Variants in AKNA observed in about 807,000 individuals in gnomAD.
AKNA encodes the protein microtubule organization protein AKNA.
A neutral mutation model predicts 138.8 loss-of-function variants in AKNA; 67 were observed. The observed-to-expected ratio is 0.48, with a 90% CI of 0.40 to 0.59. AKNA has a LOEUF of 0.59. Among genes scored for constraint, AKNA ranks in the 20% least tolerant of loss-of-function variants. The pLI is 0.00. For synonymous variants in AKNA, 737 were observed against 754.4 expected, an observed-to-expected ratio of 0.98 and a Z score of 0.38; for missense variants, 1,813 against 1,880.4, an observed-to-expected ratio of 0.96 and a Z score of 0.66.
chr9:114,394,789 T>G (rs1230109445), upstream of AKNA, among the ~76,000 whole-genome samples: 1 of 152,216 alleles, frequency 6.6e-6, no homozygotes, highest in Admixed American at 6.5e-5. Flanking sequence ...ATCCTCCAGA[T>G]GAATCCTTAG....
At chr9:114,386,609 C>T (rs949002610) in intron 1 of AKNA, among the ~76,000 whole-genome samples, 1 of 152,138 alleles carries the variant, frequency 6.6e-6, no homozygotes, top group Non-Finnish European at 1.5e-5. Context: ...CCTGGAGAAA[C>T]TGGCCCCACA....
downstream of AKNA, chr9:114,331,476 G>A (rs1396744746): frequency 7.8e-6 from 8 of 1,027,858 alleles, no homozygotes; most frequent in Non-Finnish European, 1.2e-5. Context: ...TGGGCTTTGT[G>A]GCCCCGGACA....
intron 1 of AKNA, among the ~76,000 whole-genome samples, chr9:114,393,791 G>A (rs1834441158): frequency 6.6e-6 from 1 of 151,542 alleles, no homozygotes; most frequent in Non-Finnish European, 1.5e-5. Flanking sequence ...GTAAAATATG[G>A]AGGAAGAGGA....
downstream of AKNA, chr9:114,331,661 G>A: frequency 1.9e-6 from 3 of 1,613,688 alleles, no homozygotes; most frequent in Non-Finnish European, 1.7e-6. Flanking sequence ...AGAACTGGGG[G>A]CTGTCTTTCT....
At position 114,358,041 on chromosome 9, in the gene AKNA, G is replaced by T. The variant is rs1269754162; in HGVS notation, c.2619C>A (p.His873Gln). ...ATGCTGCGGACTTGGTGCCTGGAGG[G>T]TGGGGTGGCACGCCAGGGCCTGGAG... ...AAPPGPGVPP[H>Q]PPGTKSAASH... is the part of the protein sequence containing the mutation. Residue 873 changes from histidine (H) to glutamine (Q), a missense_variant, in exon 12 of 22, where the codon CAC (histidine) becomes CAA (glutamine). Physicochemically the swap from His to Gln is conservative, Grantham distance 24. Transcript: ENST00000374088. The T allele has an allele frequency of 6.2e-7, 1 of 1,611,080 alleles. No individual in the cohort carries two copies. The highest frequency in any genetic ancestry group is 8.5e-7 in the Non-Finnish European group (1 of 1,178,042).
At position 114,376,860 on chromosome 9, in the gene AKNA, C is replaced by T; in HGVS notation, c.947G>A (p.Ser316Asn). 1 of 1,614,082 alleles carries T rather than the reference C, an allele frequency of 6.2e-7. No individual in the cohort carries two copies. The highest frequency in any genetic ancestry group is 8.5e-7 in the Non-Finnish European group (1 of 1,179,950). The stretch of plus-strand genomic sequence containing the variant: ...TGGCCTGGGCTGGGGATTCAGGGGG[C>T]TGATGGAGCCAATGAATCGGGAAGG... ...PLPSRFIGSI[S>N]PLNPQPRPTR... is the part of the protein sequence containing the mutation. The change falls in exon 3 of 22, where the codon AGC becomes AAC. Residue 316 changes from serine to asparagine, a missense_variant. Transcript: ENST00000374088.
rs922292987 is a variant in AKNA, at chr9:114,341,389, T to C, written c.4067+144A>G. 2.6e-5 allele frequency: 26 copies of C among 1,016,236 alleles called. 1 individual carries two copies. In the African/African-American group the frequency reaches 3.8e-4, roughly 15 times the overall value. The allele number at this position is 1,016,236 out of a possible 1,614,324, so 63.0% of individuals were successfully genotyped here. The stretch of plus-strand genomic sequence containing the variant: ...GCTTTGTTGAGTGACTATATGAGTG[T>C]TGGGCTCCTACTGCATGTTATCCAC... On this transcript the variant is annotated intron_variant, in intron 21 of 21. Transcript: ENST00000374088.
intron 21 of AKNA, among the ~76,000 whole-genome samples, chr9:114,339,703 G>A (rs78569337): frequency 0.093 from 14,134 of 152,290 alleles, 866 homozygotes; most frequent in South Asian, 0.21. Flanking sequence ...TTTCCCCCGT[G>A]TCTGCTGGAG....
At chr9:114,331,492 A>G (rs1829850212), downstream of AKNA, 5 of 1,220,452 alleles carry the variant, frequency 4.1e-6, no homozygotes, top group Admixed American at 1.8e-5. Context: ...GGACACACCT[A>G]GGACTCCTCA....
Position 114,376,592 on chromosome 9 carries a change from C to T in AKNA, c.1215G>A (p.Gln405=). 1 of 1,614,184 alleles carries T rather than the reference C, an allele frequency of 6.2e-7. No homozygotes were observed. Among genetic ancestry groups the T allele is most frequent in the Non-Finnish European group, 8.5e-7 (1 of 1,180,034 alleles). ...CTTCTCCACTGCTCAACAGCACCTC[C>T]TGCACAATCTCAGCTGGAGACTTGA... The part of the protein sequence containing the change: ...LIFKSPAEIV[Q]EVLLSSGEAA... Residue 405 remains glutamine, a synonymous_variant, in exon 3 of 22, where the codon CAG becomes CAA. Transcript: ENST00000374088.
rs547036269 is a variant in AKNA at position 114,336,847 on chromosome 9, T to C, written c.*207A>G. On this transcript the variant is annotated 3_prime_UTR_variant, in exon 22 of 22. Coordinates refer to ENST00000374088, the MANE Select transcript of AKNA (RefSeq NM_001317950.2). ...ACCTCTGTGAGGGGACTGGTGCTCCTGGGAAGTCACTTCTCTTGGTGACCG... is the reference window on the plus strand; with the variant it reads ...ACCTCTGTGAGGGGACTGGTGCTCCCGGGAAGTCACTTCTCTTGGTGACCG... 9.6e-4 allele frequency: 531 copies of C among 551,084 alleles called. 2 individuals are homozygous for C. Among genetic ancestry groups the C allele is most frequent in the African/African-American group, 9.0e-3 (470 of 52,264 alleles). The allele number at this position is 551,084 out of a possible 1,614,324, so 34.1% of individuals were successfully genotyped here. A position where few individuals can be genotyped will look rare whatever the true frequency, so the allele number is the denominator to read the frequency against.
rs201440180 is a variant in AKNA at position 114,376,821 on chromosome 9, C to A, written c.986G>T (p.Arg329Met). ...AGTGGCTCCCTGTCTGGGCAGCGGC[C>A]TGCCCTGCCGCGTTGGCCTGGGCTG... ...NPQPRPTRQGRPLPRQGATLA... is the reference protein window; with the variant it reads ...NPQPRPTRQGMPLPRQGATLA... The change falls in exon 3 of 22, where the codon AGG becomes ATG. Residue 329 changes from arginine (R) to methionine (M), a missense_variant. Transcript: ENST00000374088. The A allele has an allele frequency of 1.3e-4, 217 of 1,612,614 alleles. No individual in the cohort carries two copies. The highest frequency in any genetic ancestry group is 1.8e-4 in the Non-Finnish European group (212 of 1,179,276).
chr9:114,359,871 C>G, intron 10 of AKNA, 25 bp downstream of exon 10: 1 of 1,614,142 alleles, frequency 6.2e-7, no homozygotes, highest in Non-Finnish European at 8.5e-7. Context: ...GCCAGACACC[C>G]TGGTCAGGTC....
Position 114,360,060 on chromosome 9 carries a change from A to C in AKNA, c.2127T>G (p.Pro709=), listed in dbSNP as rs1276708379. The change falls in exon 10 of 22, where the codon CCT becomes CCG. Residue 709 remains proline, a splice_region_variant and synonymous_variant. Coordinates refer to ENST00000374088, the MANE Select transcript of AKNA (RefSeq NM_001317950.2). ...TGCTGGCGGCGGCAGTGGTGGTAGC[A>C]GGCTGGGGTCAGAAAGATGGACAGA... is the stretch of plus-strand genomic sequence containing the variant. ...MPAIKTSCPE[P]ATTTAAASTG... 2 of 1,614,154 alleles carry C rather than the reference A, an allele frequency of 1.2e-6. No individual in the cohort carries two copies. Among genetic ancestry groups the C allele is most frequent in the Non-Finnish European group, 1.7e-6 (2 of 1,180,026 alleles).
chr9:114,336,836 A>C lies in AKNA; in HGVS notation c.*218T>G, dbSNP rs561691660. 3 of 495,948 alleles carry C rather than the reference A, an allele frequency of 6.0e-6. No homozygotes were observed. The highest frequency in any genetic ancestry group is 3.9e-5 in the African/African-American group (2 of 51,148). 30.7% of individuals were successfully genotyped at this position (495,948 alleles called of 1,614,324 possible). Reference sequence around the variant, plus strand: ...TCGCTCACAGCACCTCTGTGAGGGGACTGGTGCTCCTGGGAAGTCACTTCT... The same window carrying C: ...TCGCTCACAGCACCTCTGTGAGGGGCCTGGTGCTCCTGGGAAGTCACTTCT... On this transcript the variant is annotated 3_prime_UTR_variant, in exon 22 of 22. Coordinates refer to ENST00000374088, the MANE Select transcript of AKNA (RefSeq NM_001317950.2).
chr9:114,385,510 C>A (rs1833966488), intron 1 of AKNA, among the ~76,000 whole-genome samples: 1 of 152,180 alleles, frequency 6.6e-6, no homozygotes. Context: ...GGTTTTTTGA[C>A]TTTTTAAAGG....
At chr9:114,359,240 T>C (rs1831738922) in intron 11 of AKNA, 1 of 301,292 alleles carries the variant, frequency 3.3e-6, no homozygotes, top group Non-Finnish European at 6.2e-6. Flanking sequence ...GGCTAATTTT[T>C]GTATTTCTTG....
intron 1 of AKNA, chr9:114,383,212 C>T (rs993826823): frequency 6.8e-5 from 31 of 455,898 alleles, no homozygotes; most frequent in Admixed American, 2.4e-4. Context: ...ACCCGTCAGG[C>T]GGCTGCTGCA....
intron 18 of AKNA, 148 bp downstream of exon 18, chr9:114,345,715 A>G (rs908171622): frequency 4.7e-6 from 3 of 634,364 alleles, no homozygotes; most frequent in Middle Eastern, 8.7e-4. Flanking sequence ...TCATGGAGGC[A>G]ATGCTCCCTG....
Sources: gnomAD v4.1 joint callset for allele counts (sites outside exome capture counted in the v4.1 genomes callset) on GRCh38, gnomAD v4.1.1 for gene constraint, MANE v1.5 for transcripts, NCBI Gene and HGNC (gene_info 2026-07-23, HGNC 2026-07-21) for gene names.